Variants in DYDC2 observed in about 807,000 individuals in gnomAD.
DYDC2 encodes DPY30 domain containing 2, also known as DPY30 domain-containing protein 2.
DYDC2 carries 19 observed loss-of-function variants against 18.7 expected under a neutral mutation model. That is an observed-to-expected ratio of 1.02 (90% CI 0.71 to 1.49). The LOEUF is 1.49. Ranked by LOEUF, DYDC2 falls within the 40% of genes most tolerant of loss-of-function variation. DYDC2 has a pLI of 0.00. For synonymous variants in DYDC2, 63 were observed against 67.6 expected (o/e 0.93, Z 0.34); for missense variants, 179 against 205.1 (o/e 0.87, Z 0.78).
At chr10:80,361,294 A>G (rs1843659407) in intron 2 of DYDC2, among the ~76,000 whole-genome samples, 1 of 152,202 alleles carries the variant, frequency 6.6e-6, no homozygotes, top group South Asian at 2.1e-4. Context: ...TTTATGTACC[A>G]TAAGAAGTGC....
intron 2 of DYDC2, among the ~76,000 whole-genome samples, chr10:80,358,786 G>C (rs1209453901): frequency 2.6e-5 from 4 of 152,196 alleles, no homozygotes; most frequent in Non-Finnish European, 5.9e-5. Context: ...TGGTCTCACT[G>C]AGTTCTAGAA....
At chr10:80,359,409 TA>T (rs767928310) in intron 2 of DYDC2, among the ~76,000 whole-genome samples, 2 of 152,206 alleles carry the variant, frequency 1.3e-5, no homozygotes, top group Non-Finnish European at 2.9e-5. Flanking sequence ...AAGTCTCCAC[TA>T]GACTCAGGAG....
chr10:80,349,939 A>G (rs892609377), intron 1 of DYDC2, among the ~76,000 whole-genome samples: 2 of 152,244 alleles, frequency 1.3e-5, no homozygotes, highest in Non-Finnish European at 2.9e-5. Context: ...AGGAATTTCA[A>G]GTCAGTGGTA....
At chr10:80,366,404 G>A (rs1220543733) in intron 4 of DYDC2, among the ~76,000 whole-genome samples, 3 of 152,012 alleles carry the variant, frequency 2.0e-5, no homozygotes, top group African/African-American at 7.2e-5. Context: ...TTTTACTTCT[G>A]GTAATTATTA....
intron 4 of DYDC2, among the ~76,000 whole-genome samples, chr10:80,363,407 C>T (rs368274377): frequency 3.7e-5 from 5 of 133,666 alleles, no homozygotes; most frequent in Admixed American, 8.7e-5. Flanking sequence ...CACAGTGGAG[C>T]GATCTCGTCT....
chr10:80,346,404 C>T (rs1321480880), intron 1 of DYDC2, among the ~76,000 whole-genome samples: 3 of 143,336 alleles, frequency 2.1e-5, no homozygotes, highest in Admixed American at 2.1e-4. Flanking sequence ...GAAGAGTTCA[C>T]TTTTCTCCAC....
chr10:80,358,251 A>G (rs1201630488), intron 2 of DYDC2, among the ~76,000 whole-genome samples: 1 of 152,102 alleles, frequency 6.6e-6, no homozygotes, highest in Admixed American at 6.5e-5. Flanking sequence ...GGTGGCGCAC[A>G]CCTGTAATCC....
chr10:80,365,206 A>G (rs1472736421), intron 4 of DYDC2, among the ~76,000 whole-genome samples: 1 of 152,234 alleles, frequency 6.6e-6, no homozygotes, highest in Non-Finnish European at 1.5e-5. Flanking sequence ...CAAGTCTTTA[A>G]GTATCCCAGA....
chr10:80,357,630 A>G (rs1305841543), intron 1 of DYDC2, among the ~76,000 whole-genome samples: 1 of 152,042 alleles, frequency 6.6e-6, no homozygotes, highest in Non-Finnish European at 1.5e-5. Context: ...TTCAGAACCA[A>G]TTCGGGTGCC....
chr10:80,351,022 G>A (rs149519387), intron 1 of DYDC2, among the ~76,000 whole-genome samples: 19 of 152,220 alleles, frequency 1.2e-4, no homozygotes, highest in African/African-American at 4.6e-4. Context: ...CAAATGGCAC[G>A]ATTATCAGTA....
intron 4 of DYDC2, 148 bp downstream of exon 4, chr10:80,363,221 G>T (rs1379366905): frequency 6.6e-5 from 43 of 652,784 alleles, no homozygotes; most frequent in Non-Finnish European, 7.9e-5. Flanking sequence ...TCACATATTT[G>T]CATATAAACC....
chr10:80,354,207 C>T (rs1315764509), upstream of DYDC2, among the ~76,000 whole-genome samples: 1 of 150,918 alleles, frequency 6.6e-6, no homozygotes, highest in Non-Finnish European at 1.5e-5. Flanking sequence ...TGAATATTTG[C>T]CGGGCACAGT....
At chr10:80,352,668 A>G, upstream of DYDC2, 1 of 1,534,512 alleles carries the variant, frequency 6.5e-7, no homozygotes, top group African/African-American at 1.4e-5. Context: ...TCACTATAAA[A>G]CTAAAGTCCA....
intron 2 of DYDC2, among the ~76,000 whole-genome samples, chr10:80,358,582 C>T (rs1843539999): frequency 6.6e-6 from 1 of 152,168 alleles, no homozygotes; most frequent in South Asian, 2.1e-4. Flanking sequence ...GTGTGGCAGC[C>T]ACCCCCTGAC....
At chr10:80,351,845 T>C (rs1564666297), upstream of DYDC2, 1 of 1,521,084 alleles carries the variant, frequency 6.6e-7, no homozygotes, top group South Asian at 1.2e-5. Flanking sequence ...GGCTGTGCCA[T>C]GCTGAGGTTG....
chr10:80,362,408 G>C, intron 2 of DYDC2, 27 bp from the exon 3 acceptor site: 5 of 1,597,334 alleles, frequency 3.1e-6, no homozygotes, highest in Non-Finnish European at 4.3e-6. Flanking sequence ...TTGTAAAATA[G>C]TGTGACTTTG....
chr10:80,353,867 G>C (rs574471606), upstream of DYDC2, among the ~76,000 whole-genome samples: 25 of 152,194 alleles, frequency 1.6e-4, no homozygotes, highest in East Asian at 4.8e-3. Flanking sequence ...TTGGACTTGA[G>C]AGTCCTTCAG....
At chr10:80,348,480 A>G (rs1589513492) in intron 1 of DYDC2, among the ~76,000 whole-genome samples, 1 of 152,362 alleles carries the variant, frequency 6.6e-6, no homozygotes, top group East Asian at 1.9e-4. Flanking sequence ...CAAGTAACGT[A>G]AAGCTGCTTT....
intron 2 of DYDC2, among the ~76,000 whole-genome samples, chr10:80,358,519 G>C (rs530841434): frequency 2.0e-5 from 3 of 152,116 alleles, no homozygotes; most frequent in African/African-American, 7.2e-5. Flanking sequence ...TGTTGAAAAT[G>C]GGCAATTTAG....
Sources: allele counts gnomAD v4.1 joint callset (sites outside exome capture counted in the v4.1 genomes callset), GRCh38; gene constraint gnomAD v4.1.1; transcripts MANE v1.5; gene names NCBI Gene and HGNC (gene_info 2026-07-23, HGNC 2026-07-21).